Variants in PIGN observed in about 807,000 individuals in gnomAD.
The protein encoded by PIGN is GPI ethanolamine phosphate transferase 1.
A neutral mutation model predicts 125.4 loss-of-function variants in PIGN; 117 were observed. The ratio of observed to expected loss-of-function variants is 0.93; its 90% CI spans 0.80 to 1.09. The LOEUF (loss-of-function observed/expected upper bound fraction) is 1.09, where lower values mean the gene tolerates loss of function less well. Ranked by LOEUF, PIGN falls within the 50% of genes least tolerant of loss-of-function variation. The pLI is 0.00. For synonymous variants in PIGN, 392 were observed against 377.8 expected (o/e 1.04, Z -0.44); for missense variants, 1,075 against 1,094.9 (o/e 0.98, Z 0.26).
At position 62,110,153 on chromosome 18, in the gene PIGN, A is replaced by T. The variant is rs1431580; in HGVS notation, c.1435-180T>A. The stretch of plus-strand genomic sequence containing the variant: ...AAATCTATTATTTGAGGAGCATATT[A>T]GAGAGGAAAAACCTAGATAACCTGG... On this transcript the variant is annotated intron_variant, in intron 16 of 30. Coordinates refer to ENST00000640252, the MANE Select transcript of PIGN (RefSeq NM_176787.5). 171,162 of 510,818 alleles carry T rather than the reference A, an allele frequency of 0.34. 30,755 individuals are homozygous for T. Among genetic ancestry groups the T allele is most frequent in the East Asian group, 0.56 (17,783 of 31,728 alleles). 31.6% of individuals were successfully genotyped at this position (510,818 alleles called of 1,614,324 possible).
rs1271594617 is a variant in PIGN, at chr18:62,049,538, T to G, written c.2673-3559A>C. ...GTCTGTCCATGTCCTTCGCCCACTT[T>G]TTGATGGGGTTGTTTTTTTCTTGTA... On this transcript the variant is annotated intron_variant, in intron 30 of 30. Coordinates refer to ENST00000640252, the MANE Select transcript of PIGN (RefSeq NM_176787.5). 7.2e-3 allele frequency among the ~76,000 whole-genome samples: 1,091 copies of G among 151,384 alleles called. 26 individuals carry two copies. The highest frequency in any genetic ancestry group is 0.056 in the East Asian group (282 of 5,046).
chr18:62,100,343 G>A (rs138103586), intron 22 of PIGN, among the ~76,000 whole-genome samples: 90 of 152,260 alleles, frequency 5.9e-4, no homozygotes, highest in African/African-American at 2.1e-3. Flanking sequence ...TGTGGGGAAG[G>A]GGGAACCTTT....
intron 14 of PIGN, among the ~76,000 whole-genome samples, chr18:62,133,076 A>G (rs1054191756): frequency 1.3e-5 from 2 of 152,228 alleles, no homozygotes; most frequent in African/African-American, 4.8e-5. Flanking sequence ...GCAGTATTCA[A>G]TAAATTACAT....
intron 30 of PIGN, among the ~76,000 whole-genome samples, chr18:62,065,157 C>T (rs2032433096): frequency 6.6e-6 from 1 of 152,136 alleles, no homozygotes; most frequent in South Asian, 2.1e-4. Flanking sequence ...TTCCTTCTTT[C>T]CTTTGCATGC....
At chr18:62,156,232 T>C (rs1039509213) in intron 6 of PIGN, among the ~76,000 whole-genome samples, 1 of 152,342 alleles carries the variant, frequency 6.6e-6, no homozygotes, top group African/African-American at 2.4e-5. Flanking sequence ...TAAATATCAA[T>C]TTAAATAAAT....
At position 62,116,012 on chromosome 18, in the gene PIGN, C is replaced by G. The variant is rs138260379; in HGVS notation, c.1173-1373G>C. On this transcript the variant is annotated intron_variant, in intron 14 of 30. Transcript: ENST00000640252. Reference sequence around the variant, plus strand: ...TCCCAGATATTCCAACTCAGGGGAACCCAACCACACTGGGTTCTCATGTTG... The same window carrying G: ...TCCCAGATATTCCAACTCAGGGGAAGCCAACCACACTGGGTTCTCATGTTG... Among the ~76,000 whole-genome samples the G allele has an allele frequency of 2.6e-3, 389 of 152,290 alleles. 2 individuals are homozygous for G. The highest frequency in any genetic ancestry group is 8.9e-3 in the African/African-American group (369 of 41,572).
intron 1 of PIGN, among the ~76,000 whole-genome samples, chr18:62,186,576 C>A (rs1279944218): frequency 6.6e-6 from 1 of 152,222 alleles, no homozygotes; most frequent in African/African-American, 2.4e-5. Context: ...GCCCCCGTCC[C>A]CACCCACAGG....
chr18:62,083,248 C>T (rs1039406076), intron 27 of PIGN, among the ~76,000 whole-genome samples: 2 of 151,942 alleles, frequency 1.3e-5, no homozygotes, highest in Non-Finnish European at 2.9e-5. Flanking sequence ...AATTCACACT[C>T]ATTATAACAA....
At chr18:62,177,399 G>C (rs550366617) in intron 1 of PIGN, among the ~76,000 whole-genome samples, 1 of 151,966 alleles carries the variant, frequency 6.6e-6, no homozygotes, top group Non-Finnish European at 1.5e-5. Context: ...CTCTTATCTC[G>C]TTCATACATC....
intron 23 of PIGN, among the ~76,000 whole-genome samples, chr18:62,019,140 T>G (rs1328131190): frequency 6.6e-6 from 1 of 152,044 alleles, no homozygotes; most frequent in African/African-American, 2.4e-5. Flanking sequence ...GTCTAGGAGT[T>G]TCAGGCTGCA....
At chr18:62,047,212 A>T (rs2145019997) in intron 30 of PIGN, among the ~76,000 whole-genome samples, 1 of 152,240 alleles carries the variant, frequency 6.6e-6, no homozygotes, top group South Asian at 2.1e-4. Flanking sequence ...TTCCATCCTC[A>T]CCAGGCTATA....
intron 30 of PIGN, among the ~76,000 whole-genome samples, chr18:62,059,390 A>G (rs2031977685): frequency 6.6e-6 from 1 of 152,128 alleles, no homozygotes; most frequent in Non-Finnish European, 1.5e-5. Flanking sequence ...AACAAGGACC[A>G]TAAAAGATTA....
At chr18:62,017,728 G>T (rs1284370752) in exon 24 of PIGN, 1 of 151,704 alleles carries the variant, frequency 6.6e-6, no homozygotes, top group East Asian at 1.9e-4. Context: ...CTGCAGTCAG[G>T]CCCAGTGAAG....
chr18:62,140,462 CA>C lies in PIGN; in HGVS notation c.980del (p.Leu327Ter). 6.4e-7 allele frequency: 1 copy of C among 1,551,808 alleles called. No individual in the cohort carries two copies. Among genetic ancestry groups the C allele is most frequent in the East Asian group, 2.3e-5 (1 of 43,798 alleles). On this transcript the variant is annotated frameshift_variant, in exon 12 of 31. Transcript: ENST00000640252. LOFTEE classifies it high-confidence loss of function. Reference protein sequence around the residue: ...LDVNQADIAPLMTSLIGVPFP... With the variant: ...LDVNQADIAPXMTSLIGVPFP... ...AGGGAACTCCAATAAGGGAAGTCATCAATGGTGCAATATCAGCCTACAAATA... is the reference window on the plus strand; with the variant it reads ...AGGGAACTCCAATAAGGGAAGTCATCATGGTGCAATATCAGCCTACAAATA...
rs1568230144 is a variant in PIGN at position 62,148,276 on chromosome 18, T to C, written c.612A>G (p.Ile204Met). The C allele has an allele frequency of 2.6e-6, 4 of 1,535,832 alleles. No homozygotes were observed. The highest frequency in any genetic ancestry group is 2.5e-5 in the South Asian group (2 of 81,020). ...SLFSKINEEK[I>M]VFFLHLLGID... The stretch of plus-strand genomic sequence containing the variant: ...TTCCTAATAAATGTAAGAAAAAAAC[T>C]ATTTTCTCTTCATTTATTTTAGAAA... Residue 204 changes from isoleucine to methionine, a missense_variant, in exon 8 of 31, where the codon ATA (isoleucine) becomes ATG (methionine). By Grantham distance (10) the Ile-to-Met change is conservative (BLOSUM62 1). Around this residue, in one of 3 missense-constraint regions of PIGN, gnomAD observed 915 missense variants for 908.7 expected, o/e 1.01. Transcript: ENST00000640252.
intron 14 of PIGN, among the ~76,000 whole-genome samples, chr18:62,117,199 C>T (rs1006815851): frequency 1.3e-5 from 2 of 151,936 alleles, no homozygotes; most frequent in Admixed American, 6.6e-5. Flanking sequence ...CCCAAATATA[C>T]GTTTTATTTT....
intron 23 of PIGN, among the ~76,000 whole-genome samples, chr18:62,032,222 A>T (rs1395576668): frequency 1.3e-5 from 2 of 152,168 alleles, no homozygotes; most frequent in Non-Finnish European, 2.9e-5. Context: ...ATGTGGAGAG[A>T]TCTTTTGGGG....
At chr18:62,107,539 G>C (rs2034698194) in intron 17 of PIGN, 1 of 156,948 alleles carries the variant, frequency 6.4e-6, no homozygotes, top group Non-Finnish European at 1.4e-5. Flanking sequence ...GTTGCAGTCA[G>C]CTGAGATCAT....
At chr18:62,050,703 G>A (rs1007188665) in intron 30 of PIGN, among the ~76,000 whole-genome samples, 16 of 152,042 alleles carry the variant, frequency 1.1e-4, no homozygotes, top group African/African-American at 3.6e-4. Context: ...TCCTTCTCCT[G>A]CCTAATTGCC....
Sources: allele counts gnomAD v4.1 joint callset (sites outside exome capture counted in the v4.1 genomes callset), GRCh38; gene constraint gnomAD v4.1.1; regional missense constraint gnomAD v4.1.1; transcripts MANE v1.5; gene names NCBI Gene and HGNC (gene_info 2026-07-23, HGNC 2026-07-21).